ROBO2: variants seen among roughly 807,000 people sequenced by gnomAD.
The protein encoded by ROBO2 is roundabout guidance receptor 2, also known as roundabout homolog 2.
Under a neutral mutation model 160.8 loss-of-function variants are expected in ROBO2, and 53 were observed. The observed-to-expected ratio is 0.33, with a 90% CI of 0.26 to 0.41. The LOEUF (loss-of-function observed/expected upper bound fraction) is 0.41, where lower values mean the gene tolerates loss of function less well. Among genes scored for constraint, ROBO2 ranks in the 10% least tolerant of loss-of-function variants. The pLI is 1.00. For synonymous variants in ROBO2, 664 were observed against 611.7 expected, an observed-to-expected ratio of 1.09 and a Z score of -1.26; for missense variants, 1,577 against 1,722.4, an observed-to-expected ratio of 0.92 and a Z score of 1.49.
chr3:77,155,860 G>T (rs903302087), intron 2 of ROBO2, among the ~76,000 whole-genome samples: 2 of 151,848 alleles, frequency 1.3e-5, no homozygotes, highest in Admixed American at 6.6e-5. Context: ...TGCCTTCCAT[G>T]GTCTTTCACT....
intron 2 of ROBO2, among the ~76,000 whole-genome samples, chr3:77,121,193 C>G (rs2074729581): frequency 6.6e-6 from 1 of 152,044 alleles, no homozygotes; most frequent in African/African-American, 2.4e-5. Flanking sequence ...GATCCACCTG[C>G]TTCGGCCTCC....
In ROBO2 at chr3:76,573,684, A is replaced by G. The variant is rs1236561458; in HGVS notation, c.110-524330A>G. Among the ~76,000 whole-genome samples, 3 of 152,030 alleles carry G rather than the reference A, an allele frequency of 2.0e-5. No homozygotes were observed. The East Asian group carries it at 5.8e-4, about 29-fold the overall frequency. Reference sequence around the variant, plus strand: ...TGCTAGTTCCCTTAATAATTTATATAGTTTTAAAATCTTTGATGAGGGCTC... The same window carrying G: ...TGCTAGTTCCCTTAATAATTTATATGGTTTTAAAATCTTTGATGAGGGCTC... On this transcript the variant is annotated intron_variant, in intron 2 of 26. Coordinates refer to the ROBO2 transcript ENST00000487694.
intron 17 of ROBO2, among the ~76,000 whole-genome samples, chr3:77,589,588 C>A (rs973649449): frequency 2.6e-5 from 4 of 152,102 alleles, no homozygotes; most frequent in African/African-American, 7.2e-5. Context: ...TGGTCTACAT[C>A]TTCACAACAA....
intron 2 of ROBO2, among the ~76,000 whole-genome samples, chr3:76,540,955 G>C (rs984329677): frequency 6.6e-6 from 1 of 151,836 alleles, no homozygotes; most frequent in Non-Finnish European, 1.5e-5. Flanking sequence ...ATGCACCACC[G>C]CATCTAGCTA....
At chr3:77,457,580 C>A (rs74565666) in intron 2 of ROBO2, among the ~76,000 whole-genome samples, 4,667 of 152,152 alleles carry the variant, frequency 0.031, 99 homozygotes, top group South Asian at 0.076. Context: ...TGATTCTCTG[C>A]CCTTGCTTCC....
At chr3:76,819,014 A>G (rs1210404119) in intron 2 of ROBO2, among the ~76,000 whole-genome samples, 1 of 152,096 alleles carries the variant, frequency 6.6e-6, no homozygotes, top group East Asian at 1.9e-4. Context: ...CTCAGAACCC[A>G]GGATAATGCA....
chr3:77,271,026 T>G (rs1042131331), intron 2 of ROBO2, among the ~76,000 whole-genome samples: 7 of 152,188 alleles, frequency 4.6e-5, no homozygotes, highest in Non-Finnish European at 7.4e-5. Flanking sequence ...AGAAATAATA[T>G]TTTACCAATG....
intron 2 of ROBO2, among the ~76,000 whole-genome samples, chr3:77,289,868 A>T (rs1167655896): frequency 6.6e-6 from 1 of 152,030 alleles, no homozygotes; most frequent in Non-Finnish European, 1.5e-5. Flanking sequence ...ACATAAAGTA[A>T]AATTAATGGT....
chr3:76,352,784 T>C (rs2074954647), intron 2 of ROBO2, among the ~76,000 whole-genome samples: 1 of 151,976 alleles, frequency 6.6e-6, no homozygotes, highest in Non-Finnish European at 1.5e-5. Flanking sequence ...ATAAATAAAC[T>C]GTGTCTGGAA....
At chr3:76,044,575 ATTC>A (rs751840302) in intron 2 of ROBO2, among the ~76,000 whole-genome samples, 4 of 150,446 alleles carry the variant, frequency 2.7e-5, no homozygotes, top group Non-Finnish European at 5.9e-5. Flanking sequence ...TCATTCATTC[ATTC>A]AACACATAGC....
intron 2 of ROBO2, chr3:76,434,466 T>G: frequency 6.5e-7 from 1 of 1,549,202 alleles, no homozygotes; most frequent in Non-Finnish European, 8.9e-7. Flanking sequence ...GTGAAAGAAA[T>G]GAATGATGCT....
At chr3:77,499,532 T>C (rs550271833) in intron 5 of ROBO2, among the ~76,000 whole-genome samples, 1 of 152,108 alleles carries the variant, frequency 6.6e-6, no homozygotes, top group South Asian at 2.1e-4. Context: ...GGGAAAAAAA[T>C]TAATGCTAAA....
Position 76,038,736 on chromosome 3 carries a change from G to C in ROBO2, c.109+101134G>C, listed in dbSNP as rs774684154. 2.0e-5 allele frequency among the ~76,000 whole-genome samples: 3 copies of C among 151,676 alleles called. No individual in the cohort carries two copies. In the East Asian group the frequency reaches 5.8e-4, roughly 29 times the overall value. ...TAGCCATCTGACATTCTCCTTCCCTGGGAACCCAACTGGTAGCACATGGAA... is the reference window on the plus strand; with the variant it reads ...TAGCCATCTGACATTCTCCTTCCCTCGGAACCCAACTGGTAGCACATGGAA... On this transcript the variant is annotated intron_variant, in intron 2 of 26. Transcript: ENST00000487694.
At chr3:77,101,140 T>A (rs3922795) in intron 2 of ROBO2, among the ~76,000 whole-genome samples, 8,834 of 152,278 alleles carry the variant, frequency 0.058, 328 homozygotes, top group Middle Eastern at 0.13. Flanking sequence ...AGAGAGGCAT[T>A]AAGTAGCTGT....
chr3:76,972,349 A>AT lies in ROBO2; in HGVS notation c.110-125653dup, dbSNP rs11296753. On this transcript the variant is annotated intron_variant, in intron 2 of 26. Coordinates refer to the ROBO2 transcript ENST00000487694. ...GGGGAATTTGTTGTTAGTTGAAAAC[A>AT]TTTTTTTTTTTTAATTTCTTCAATA... Among the ~76,000 whole-genome samples, 467 of 145,556 alleles carry AT rather than the reference A, an allele frequency of 3.2e-3. 2 individuals carry two copies. The highest frequency in any genetic ancestry group is 0.01 in the East Asian group (50 of 4,926).
At chr3:76,800,541 C>T (rs2064118929) in intron 2 of ROBO2, among the ~76,000 whole-genome samples, 1 of 152,100 alleles carries the variant, frequency 6.6e-6, no homozygotes, top group Non-Finnish European at 1.5e-5. Context: ...ATCTAATAAT[C>T]TGATTTAAAA....
chr3:76,244,416 A>C (rs142719858), intron 2 of ROBO2, among the ~76,000 whole-genome samples: 1 of 152,180 alleles, frequency 6.6e-6, no homozygotes, highest in Admixed American at 6.5e-5. Flanking sequence ...GGTGGACAGG[A>C]GGTTTGAACT....
At chr3:77,574,823 A>G in intron 14 of ROBO2, 93 bp downstream of exon 15, 2 of 917,368 alleles carry the variant, frequency 2.2e-6, no homozygotes, top group Non-Finnish European at 1.7e-6. Flanking sequence ...GAATGGAAAG[A>G]TATCACCTAA....
intron 5 of ROBO2, among the ~76,000 whole-genome samples, chr3:77,508,856 G>T (rs2088970274): frequency 6.6e-6 from 1 of 151,944 alleles, no homozygotes; most frequent in South Asian, 2.1e-4. Context: ...TACCGCTGAA[G>T]ATCAAACTTC....
Sources: gnomAD v4.1 joint callset for allele counts (sites outside exome capture counted in the v4.1 genomes callset) on GRCh38, gnomAD v4.1.1 for gene constraint, MANE v1.5 for transcripts, NCBI Gene and HGNC (gene_info 2026-07-23, HGNC 2026-07-21) for gene names.